ARHGAP39: variants seen among roughly 807,000 people sequenced by gnomAD.
ARHGAP39 encodes Rho GTPase activating protein 39.
Under a neutral mutation model 106.9 loss-of-function variants are expected in ARHGAP39, and 44 were observed. That is an observed-to-expected ratio of 0.41 (90% CI 0.32 to 0.53). The LOEUF (loss-of-function observed/expected upper bound fraction) is 0.53, where lower values mean the gene tolerates loss of function less well. ARHGAP39 is among the 20% of genes least tolerant of loss of function. The pLI is 0.21. For synonymous variants in ARHGAP39, 768 were observed against 693.2 expected (o/e 1.11, Z -1.69); for missense variants, 1,496 against 1,577.3 (o/e 0.95, Z 0.87).
At chr8:144,551,345 T>A (rs1381240062) in intron 4 of ARHGAP39, among the ~76,000 whole-genome samples, 1 of 152,048 alleles carries the variant, frequency 6.6e-6, no homozygotes. Context: ...GGGGCAGAGA[T>A]GAAGAAAGGT....
intron 2 of ARHGAP39, among the ~76,000 whole-genome samples, chr8:144,603,076 C>T (rs185373463): frequency 1.4e-4 from 17 of 117,498 alleles, no homozygotes; most frequent in African/African-American, 1.7e-4. Context: ...TGTGTGCGTG[C>T]GTGGAGGTGT....
chr8:144,586,842 G>A lies in ARHGAP39; in HGVS notation c.81-5565C>T, dbSNP rs747325071. ...CAGCCATCAGCAACCCTACATGGCTGCACGCCCATCTCATACACCAGGATG... is the reference window on the plus strand; with the variant it reads ...CAGCCATCAGCAACCCTACATGGCTACACGCCCATCTCATACACCAGGATG... On this transcript the variant is annotated intron_variant, in intron 2 of 11. Coordinates refer to ENST00000377307, the MANE Select transcript of ARHGAP39 (RefSeq NM_025251.3). This position sits in a 1 kb window ranked among gnomAD's most constrained non-coding sequence, Gnocchi z 4.2. Among the ~76,000 whole-genome samples, 6 of 152,210 alleles carry A rather than the reference G, an allele frequency of 3.9e-5. No homozygotes were observed. Among genetic ancestry groups the A allele is most frequent in the Non-Finnish European group, 7.3e-5 (5 of 68,036 alleles).
chr8:144,678,616 A>G (rs1350876247), intron 1 of ARHGAP39, among the ~76,000 whole-genome samples: 2 of 152,226 alleles, frequency 1.3e-5, no homozygotes, highest in African/African-American at 4.8e-5. Context: ...CTGGGGAGCC[A>G]GGGAGGAGAG....
At chr8:144,617,638 C>G (rs1008071651) in intron 1 of ARHGAP39, among the ~76,000 whole-genome samples, 13 of 150,946 alleles carry the variant, frequency 8.6e-5, no homozygotes, top group African/African-American at 2.9e-4. Flanking sequence ...CGCACCCGCT[C>G]TAGTCTGGTT....
intron 3 of ARHGAP39, among the ~76,000 whole-genome samples, chr8:144,557,710 T>A (rs1355242103): frequency 6.6e-6 from 1 of 152,032 alleles, no homozygotes; most frequent in Non-Finnish European, 1.5e-5. Flanking sequence ...AGGCTGAACC[T>A]TCATAGTATT....
chr8:144,599,683 G>A (rs1357645821), intron 2 of ARHGAP39, among the ~76,000 whole-genome samples: 2 of 152,174 alleles, frequency 1.3e-5, no homozygotes, highest in Non-Finnish European at 2.9e-5. Flanking sequence ...CTAACTGAAA[G>A]TAATGAACCA....
Position 144,587,568 on chromosome 8 carries a change from G to A in ARHGAP39, c.81-6291C>T, listed in dbSNP as rs190850146. ...GTCAGAGGACAAAGCCCGGCAGCAT[G>A]GGACGGGGCCTGGGGAGGGAGCACA... On this transcript the variant is annotated intron_variant, in intron 2 of 11. Transcript: ENST00000377307. Among the ~76,000 whole-genome samples, 4 of 152,312 alleles carry A rather than the reference G, an allele frequency of 2.6e-5. No individual in the cohort carries two copies. The East Asian group carries it at 7.7e-4, about 29-fold the overall frequency.
chr8:144,552,765 G>A (rs1194930917), intron 4 of ARHGAP39, among the ~76,000 whole-genome samples: 5 of 152,160 alleles, frequency 3.3e-5, no homozygotes, highest in African/African-American at 1.2e-4. Context: ...TGTACTCAGG[G>A]CTGGGCCAGC....
At chr8:144,538,066 G>T (rs911240077) in intron 6 of ARHGAP39, among the ~76,000 whole-genome samples, 1 of 152,204 alleles carries the variant, frequency 6.6e-6, no homozygotes, top group Non-Finnish European at 1.5e-5. Context: ...CAGGGAAGGC[G>T]CCAGGGGAGC....
At chr8:144,614,242 G>A (rs967898195) in intron 1 of ARHGAP39, among the ~76,000 whole-genome samples, 2 of 152,066 alleles carry the variant, frequency 1.3e-5, no homozygotes, top group Non-Finnish European at 2.9e-5. Flanking sequence ...TTTCACTCCA[G>A]TATGGGTTCT....
chr8:144,666,472 TC>T (rs1222909118), intron 1 of ARHGAP39, among the ~76,000 whole-genome samples: 1 of 152,164 alleles, frequency 6.6e-6, no homozygotes, highest in African/African-American at 2.4e-5. Context: ...GAATTGTATC[TC>T]CCAGAATTCC....
At chr8:144,594,451 T>C (rs1038010496) in intron 2 of ARHGAP39, among the ~76,000 whole-genome samples, 5 of 152,142 alleles carry the variant, frequency 3.3e-5, no homozygotes, top group Non-Finnish European at 7.4e-5. Context: ...TCCCAGCACT[T>C]TGGGAGGCCG....
At position 144,646,109 on chromosome 8, in the gene ARHGAP39, C is replaced by CA. The variant is rs1445116664; in HGVS notation, c.-82+39576dup. 6.6e-6 allele frequency among the ~76,000 whole-genome samples: 1 copy of CA among 152,220 alleles called. No homozygotes were observed. The highest frequency in any genetic ancestry group is 1.5e-5 in the Non-Finnish European group (1 of 68,042). ...GGTCACCCCTCCCCACCGGTGGCAC[C>CA]AAATGTCCGCCAGCAAGGACGGACA... On this transcript the variant is annotated intron_variant, in intron 1 of 11. Coordinates refer to ENST00000377307, the MANE Select transcript of ARHGAP39 (RefSeq NM_025251.3). This position sits in a 1 kb window ranked among gnomAD's most constrained non-coding sequence, Gnocchi z 5.7.
chr8:144,680,379 A>G (rs1822375472), intron 1 of ARHGAP39, among the ~76,000 whole-genome samples: 1 of 152,232 alleles, frequency 6.6e-6, no homozygotes, highest in African/African-American at 2.4e-5. Context: ...CATGGACAAT[A>G]CAGAAAACAC....
At chr8:144,536,973 G>A (rs1161193298) in intron 7 of ARHGAP39, among the ~76,000 whole-genome samples, 1 of 152,238 alleles carries the variant, frequency 6.6e-6, no homozygotes, top group Non-Finnish European at 1.5e-5. Context: ...AGACAGATGA[G>A]TGGGCGTGAG....
At chr8:144,579,189 G>A (rs543124735) in intron 3 of ARHGAP39, among the ~76,000 whole-genome samples, 16 of 119,540 alleles carry the variant, frequency 1.3e-4, no homozygotes, top group South Asian at 8.0e-4. Flanking sequence ...GCGACAGAGC[G>A]AGACTCTGTC....
At position 144,619,802 on chromosome 8, in the gene ARHGAP39, G is replaced by A. The variant is rs117879837; in HGVS notation, c.-81-14107C>T. ...CCTGTGTCCGAGAGAGCGCGTGCCC[G>A]TGTGTGTGAGCTTGTGTCCCTGAGA... is the stretch of plus-strand genomic sequence containing the variant. On this transcript the variant is annotated intron_variant, in intron 1 of 11. Transcript: ENST00000377307. 6.9e-4 allele frequency among the ~76,000 whole-genome samples: 102 copies of A among 148,118 alleles called. 2 individuals carry two copies. The East Asian group carries it at 0.017, about 25-fold the overall frequency.
intron 1 of ARHGAP39, chr8:144,683,320 T>TTAAAAA (rs1354743945): frequency 1.3e-5 from 2 of 149,278 alleles, no homozygotes; most frequent in African/African-American, 4.9e-5. Flanking sequence ...GTCTCAAAAA[T>TTAAAAA]TAAAAATAAA....
intron 4 of ARHGAP39, among the ~76,000 whole-genome samples, chr8:144,549,813 GT>G (rs1171942367): frequency 1.3e-5 from 2 of 152,182 alleles, no homozygotes; most frequent in Non-Finnish European, 2.9e-5. Context: ...TTCATGCTGT[GT>G]TCTGCAGTTC....
Sources: gnomAD v4.1 joint callset for allele counts (sites outside exome capture counted in the v4.1 genomes callset) on GRCh38, gnomAD v4.1.1 for gene constraint, Gnocchi (gnomAD v3.1) non-coding constraint, MANE v1.5 for transcripts, NCBI Gene and HGNC (gene_info 2026-07-23, HGNC 2026-07-21) for gene names.